The following SCRN2 variants were observed in gnomAD, a reference collection of about 807,000 sequenced individuals.
SCRN2 encodes secernin 2.
SCRN2 carries 30 observed loss-of-function variants against 40.1 expected under a neutral mutation model. The ratio of observed to expected loss-of-function variants is 0.75; its 90% CI spans 0.56 to 1.01. The LOEUF is 1.01. Among genes scored for constraint, SCRN2 ranks in the 50% least tolerant of loss-of-function variants. The pLI is 0.00. For synonymous variants in SCRN2, 240 were observed against 233.5 expected, an observed-to-expected ratio of 1.03 and a Z score of -0.25; for missense variants, 526 against 564.9, an observed-to-expected ratio of 0.93 and a Z score of 0.70.
chr17:47,838,350 G>A lies in SCRN2; in HGVS notation c.1039C>T (p.Arg347Ter), dbSNP rs751312413. ...CGACGATCTACCTGAGTCTGGAATC[G>A]GGGCAGGGTCCGAACAGGGTCTTGT... ...GAQDPVRTLPRFQTQVDRRHT... is the reference protein window; with the variant it reads ...GAQDPVRTLP The change falls in exon 7 of 8, where the codon CGA becomes TGA. Residue 347 changes from arginine to a stop codon, truncating the protein, a stop_gained. Transcript: ENST00000290216. LOFTEE classifies it high-confidence loss of function. 1.1e-5 allele frequency: 17 copies of A among 1,611,008 alleles called. No individual in the cohort carries two copies. The highest frequency in any genetic ancestry group is 8.0e-5 in the African/African-American group (6 of 74,708).
chr17:47,839,046 C>T, intron 4 of SCRN2, 40 bp from the exon 5 acceptor site: 1 of 1,601,806 alleles, frequency 6.2e-7, no homozygotes, highest in Non-Finnish European at 8.5e-7. Flanking sequence ...TACCATTGAG[C>T]ATCTATTCTA....
At chr17:47,841,030 GTCCGC>G in intron 1 of SCRN2, 173 bp downstream of exon 1, 1 of 474,424 alleles carries the variant, frequency 2.1e-6, no homozygotes, top group Non-Finnish European at 3.5e-6. Flanking sequence ...AGGCTTGGGA[GTCCGC>G]AGGCGGGCAC....
Position 47,838,331 on chromosome 17 carries a change from T to TC in SCRN2, c.1057dup (p.Asp353GlyfsTer119). 1 of 1,610,260 alleles carries TC rather than the reference T, an allele frequency of 6.2e-7. No individual in the cohort carries two copies. ...TCCACGGTAGAGGGTATGCCGACGA[T>TC]CTACCTGAGTCTGGAATCGGGGCAG... On this transcript the variant is annotated frameshift_variant, in exon 7 of 8. Coordinates refer to ENST00000290216, the MANE Select transcript of SCRN2 (RefSeq NM_138355.4). LOFTEE classifies it high-confidence loss of function.
chr17:47,840,623 T>C (rs1165237079), intron 2 of SCRN2, 47 bp downstream of exon 2: 2 of 1,534,704 alleles, frequency 1.3e-6, no homozygotes, highest in African/African-American at 1.4e-5. Context: ...CTTAAAAGAA[T>C]GCAGAGATCT....
In SCRN2 at chr17:47,840,297, C is replaced by T. The variant is rs779932085; in HGVS notation, c.250G>A (p.Ala84Thr). The change falls in exon 3 of 8, where the codon GCT (alanine) becomes ACT (threonine). Residue 84 changes from alanine to threonine, a missense_variant. Physicochemically the swap from Ala to Thr is moderately conservative, Grantham distance 58. Coordinates refer to ENST00000290216, the MANE Select transcript of SCRN2 (RefSeq NM_138355.4). ...ILSRPSWLWG[A>T]EMGANEHGVC... is the part of the protein sequence containing the mutation. ...CCATGCTCGTTGGCGCCCATCTCAG[C>T]CCCCCATAGCCAAGAAGGACGGCTC... is the stretch of plus-strand genomic sequence containing the variant. 1.9e-6 allele frequency: 3 copies of T among 1,614,182 alleles called. No individual in the cohort carries two copies. Among genetic ancestry groups the T allele is most frequent in the East Asian group, 4.5e-5 (2 of 44,892 alleles).
chr17:47,838,636 A>G lies in SCRN2; in HGVS notation c.833T>C (p.Met278Thr), dbSNP rs1456528317. Residue 278 changes from methionine (M) to threonine (T), a missense_variant, in exon 6 of 8, where the codon ATG becomes ACG. Transcript: ENST00000290216. The part of the protein sequence containing the change: ...ILRDKESGIC[M>T]DSGGFRTTAS... The stretch of plus-strand genomic sequence containing the variant: ...CGTGGTGCGAAAGCCTCCCGAGTCC[A>G]TACAGATACCACTCTCCTTGTCTCT... 1 of 1,613,954 alleles carries G rather than the reference A, an allele frequency of 6.2e-7. No individual in the cohort carries two copies. Among genetic ancestry groups the G allele is most frequent in the Non-Finnish European group, 8.5e-7 (1 of 1,180,008 alleles).
In SCRN2 at chr17:47,838,780, C is replaced by T. The variant is rs895838372; in HGVS notation, c.772+11G>A. 7.4e-6 allele frequency: 12 copies of T among 1,612,236 alleles called. No individual in the cohort carries two copies. The highest frequency in any genetic ancestry group is 3.3e-4 in the Middle Eastern group (2 of 6,084). ...CCTCCTGGCCCCCAGCCCCCTCCAC[C>T]GTTCACTAACCTTGCCGTTGCCGCA... On this transcript the variant is annotated intron_variant, in intron 5 of 7. Coordinates refer to ENST00000290216, the MANE Select transcript of SCRN2 (RefSeq NM_138355.4).
intron 7 of SCRN2, 111 bp from the exon 8 acceptor site, chr17:47,838,113 A>C: frequency 6.5e-7 from 1 of 1,532,624 alleles, no homozygotes; most frequent in East Asian, 2.3e-5. Context: ...ACCCCCCGAC[A>C]TTCCCCAAAG....
chr17:47,839,329 T>G, intron 4 of SCRN2, 115 bp downstream of exon 4: 2 of 1,035,190 alleles, frequency 1.9e-6, no homozygotes. Context: ...AATTCCCAAG[T>G]GGGCTCATCT....
At position 47,838,513 on chromosome 17, in the gene SCRN2, C is replaced by A. The variant is rs757702105; in HGVS notation, c.938+18G>T. ...ATCCTCTCTTCTCCCCAGCCTTCCC[C>A]ACCCTCATTCTTCCCACCTGGATGG... On this transcript the variant is annotated intron_variant, in intron 6 of 7. Coordinates refer to ENST00000290216, the MANE Select transcript of SCRN2 (RefSeq NM_138355.4). The A allele has an allele frequency of 6.2e-7, 1 of 1,614,008 alleles. No individual in the cohort carries two copies. The highest frequency in any genetic ancestry group is 1.1e-5 in the South Asian group (1 of 91,078).
Position 47,839,648 on chromosome 17 carries a change from C to A in SCRN2, c.357-5G>T. The A allele has an allele frequency of 1.2e-6, 2 of 1,613,706 alleles. No homozygotes were observed. The highest frequency in any genetic ancestry group is 1.7e-6 in the Non-Finnish European group (2 of 1,179,944). On this transcript the variant is annotated splice_polypyrimidine_tract_variant and splice_region_variant and intron_variant, in intron 3 of 7. Transcript: ENST00000290216. ...CTGCTCCGTTCCAAAGCCAGCCTGG[C>A]AAAAGAGAGGGCCAAGGGACAGAAG... is the stretch of plus-strand genomic sequence containing the variant.
intron 2 of SCRN2, 145 bp from the exon 3 acceptor site, chr17:47,840,517 T>TAC: frequency 1.6e-6 from 2 of 1,228,656 alleles, no homozygotes; most frequent in Non-Finnish European, 2.2e-6. Flanking sequence ...AGACTGAGGC[T>TAC]ACATAATGAG....
chr17:47,838,245 G>A, intron 7 of SCRN2, 25 bp downstream of exon 7: 1 of 1,579,508 alleles, frequency 6.3e-7, no homozygotes, highest in Non-Finnish European at 8.6e-7. Context: ...TCCCCTCAAG[G>A]TAGCCCCTAC....
At position 47,840,817 on chromosome 17, in the gene SCRN2, T is replaced by G; in HGVS notation, c.27A>C (p.Pro9=). 1 of 1,550,500 alleles carries G rather than the reference T, an allele frequency of 6.4e-7. No homozygotes were observed. The highest frequency in any genetic ancestry group is 1.2e-5 in the South Asian group (1 of 83,588). The change falls in exon 2 of 8, where the codon CCA becomes CCC. Residue 9 remains proline, a synonymous_variant. Transcript: ENST00000290216. ...CGGAGACAAAGCAGTCGCAGGAACA[T>G]GGGGAGTCAGGGCTCGACGACGCCA... MASSSPDS[P]CSCDCFVSVP... is the part of the protein sequence containing the mutation.
Position 47,837,701 on chromosome 17 carries a change from G to A in SCRN2, c.*143C>T, listed in dbSNP as rs1598047382. ...TAAAGTTCACTGAAGAGAAAATAAA[G>A]CACATTTATTAAGGCAAAGGCCAAG... On this transcript the variant is annotated 3_prime_UTR_variant, in exon 8 of 8. Transcript: ENST00000290216. The A allele has an allele frequency of 2.4e-5, 24 of 1,005,950 alleles. No individual in the cohort carries two copies. In the East Asian group the frequency reaches 7.1e-4, roughly 30 times the overall value. 62.3% of individuals were successfully genotyped at this position (1,005,950 alleles called of 1,614,324 possible). A position where few individuals can be genotyped will look rare whatever the true frequency, so the allele number is the denominator to read the frequency against.
chr17:47,840,218 TC>T lies in SCRN2; in HGVS notation c.328del (p.Glu110LysfsTer25), dbSNP rs1191951193. ...VWTKEPVGEG[E>X]ALLGMDLLRL... Reference sequence around the variant, plus strand: ...GAGTAGGTCCATGCCCAGCAGGGCTTCCCCCTCCCCAACTGGCTCCTTCGTC... The same window carrying T: ...GAGTAGGTCCATGCCCAGCAGGGCTTCCCCTCCCCAACTGGCTCCTTCGTC... On this transcript the variant is annotated frameshift_variant, in exon 3 of 8. Transcript: ENST00000290216. LOFTEE classifies it high-confidence loss of function. The T allele has an allele frequency of 1.2e-6, 2 of 1,613,656 alleles. No individual in the cohort carries two copies. Among genetic ancestry groups the T allele is most frequent in the African/African-American group, 2.7e-5 (2 of 74,938 alleles).
rs776709838 is a variant in SCRN2, at chr17:47,838,325, C to T, written c.1064G>A (p.Arg355Gln). 47 of 1,610,624 alleles carry T rather than the reference C, an allele frequency of 2.9e-5. No individual in the cohort carries two copies. The highest frequency in any genetic ancestry group is 3.7e-5 in the Non-Finnish European group (44 of 1,178,810). ...LPRFQTQVDRRHTLYRGHQAA... is the reference protein window; with the variant it reads ...LPRFQTQVDRQHTLYRGHQAA... The stretch of plus-strand genomic sequence containing the variant: ...CTGGTGTCCACGGTAGAGGGTATGC[C>T]GACGATCTACCTGAGTCTGGAATCG... Residue 355 changes from arginine (R) to glutamine (Q), a missense_variant, in exon 7 of 8, where the codon CGG (arginine) becomes CAG (glutamine). Physicochemically the swap from Arg to Gln is conservative, Grantham distance 43 (BLOSUM62 1). Transcript: ENST00000290216.
Position 47,838,304 on chromosome 17 carries a change from T to C in SCRN2, c.1085A>G (p.His362Arg). ...CTCCATCAGCCCCAGGGCTGCCTGG[T>C]GTCCACGGTAGAGGGTATGCCGACG... is the stretch of plus-strand genomic sequence containing the variant. ...VDRRHTLYRGHQAALGLMERD... is the reference protein window; with the variant it reads ...VDRRHTLYRGRQAALGLMERD... The change falls in exon 7 of 8, where the codon CAC (histidine) becomes CGC (arginine). Residue 362 changes from histidine to arginine, a missense_variant. Coordinates refer to ENST00000290216, the MANE Select transcript of SCRN2 (RefSeq NM_138355.4). The C allele has an allele frequency of 6.2e-7, 1 of 1,606,378 alleles. No individual in the cohort carries two copies. The highest frequency in any genetic ancestry group is 8.5e-7 in the Non-Finnish European group (1 of 1,176,954).
At chr17:47,838,730 G>A (rs1213377842) in intron 5 of SCRN2, 34 bp from the exon 6 acceptor site, 1 of 1,611,238 alleles carries the variant, frequency 6.2e-7, no homozygotes, top group Non-Finnish European at 8.5e-7. Context: ...CTGTGGGAGG[G>A]GAGAGTGGCT....
Sources: gnomAD v4.1 joint callset for allele counts on GRCh38, gnomAD v4.1.1 for gene constraint, MANE v1.5 for transcripts, NCBI Gene and HGNC (gene_info 2026-07-23, HGNC 2026-07-21) for gene names.